The following GRIK2 variants were observed in gnomAD, a reference collection of about 807,000 sequenced individuals.
GRIK2 encodes the protein glutamate ionotropic receptor kainate type subunit 2, also known as glutamate receptor ionotropic, kainate 2.
In GRIK2, 32 loss-of-function variants were observed where a neutral mutation model predicts 100.3. The observed-to-expected ratio is 0.32, with a 90% CI of 0.24 to 0.43. The LOEUF is 0.43. GRIK2 is among the 20% of genes least tolerant of loss of function. The probability of loss-of-function intolerance (pLI) is 1.00; values close to 1 mark genes in which losing one functional copy is unlikely to be tolerated. For synonymous variants in GRIK2, 417 were observed against 389.4 expected (o/e 1.07, Z -0.83); for missense variants, 843 against 1,114.9 (o/e 0.76, Z 3.47).
chr6:101,621,616 G>A (rs1275873315), intron 2 of GRIK2, among the ~76,000 whole-genome samples: 9 of 152,000 alleles, frequency 5.9e-5, no homozygotes, highest in South Asian at 2.1e-4. Flanking sequence ...CTTAAGTCAA[G>A]ACCTCTCTAT....
At chr6:102,064,451 T>C (rs1201637838) in intron 16 of GRIK2, among the ~76,000 whole-genome samples, 4 of 150,156 alleles carry the variant, frequency 2.7e-5, no homozygotes, top group African/African-American at 4.9e-5. Flanking sequence ...CATCTTTCTT[T>C]CTCTCTTTCC....
intron 2 of GRIK2, among the ~76,000 whole-genome samples, chr6:101,420,427 C>T: frequency 6.6e-6 from 1 of 152,156 alleles, no homozygotes; most frequent in Non-Finnish European, 1.5e-5. Context: ...AATATTTGGA[C>T]ATTGTGGACC....
chr6:101,535,888 A>G (rs1039918471), intron 2 of GRIK2, among the ~76,000 whole-genome samples: 2 of 151,756 alleles, frequency 1.3e-5, no homozygotes, highest in African/African-American at 4.8e-5. Context: ...TAATGTTTAA[A>G]CAAAACATCA....
At chr6:101,948,145 A>C (rs1791386578) in intron 14 of GRIK2, among the ~76,000 whole-genome samples, 2 of 152,238 alleles carry the variant, frequency 1.3e-5, no homozygotes, top group South Asian at 4.1e-4. Context: ...AAGTTTTACA[A>C]ATACATTATT....
rs546762593 is a variant in GRIK2, at chr6:102,002,530, G to T, written c.2086-32811G>T. Among the ~76,000 whole-genome samples, 50 of 149,676 alleles carry T rather than the reference G, an allele frequency of 3.3e-4. 1 individual carries two copies. The highest frequency in any genetic ancestry group is 1.1e-3 in the African/African-American group (47 of 41,126). On this transcript the variant is annotated intron_variant, in intron 14 of 16. Coordinates refer to ENST00000369134, the MANE Select transcript of GRIK2 (RefSeq NM_021956.5). Reference sequence around the variant, plus strand: ...ATTGCATTTTAATTCTATTTAATGAGTCACTGAGAACATATTATCTGCTCT... The same window carrying T: ...ATTGCATTTTAATTCTATTTAATGATTCACTGAGAACATATTATCTGCTCT...
rs199586092 is a variant in GRIK2, at chr6:101,561,307, C to T, written c.116-60642C>T. On this transcript the variant is annotated intron_variant, in intron 2 of 16. Transcript: ENST00000369134. The stretch of plus-strand genomic sequence containing the variant: ...CCAAGAAAAATCATGAGGAAATTTA[C>T]AGAATTGGGAGCTAAAAAAGTAGAT... 1.1e-4 allele frequency among the ~76,000 whole-genome samples: 17 copies of T among 150,914 alleles called. No individual in the cohort carries two copies. The East Asian group carries it at 2.7e-3, about 24-fold the overall frequency.
chr6:101,757,778 T>A (rs1777229937), intron 7 of GRIK2, among the ~76,000 whole-genome samples: 1 of 152,224 alleles, frequency 6.6e-6, no homozygotes, highest in Non-Finnish European at 1.5e-5. Flanking sequence ...ACCCTAGTGG[T>A]CTGCAAATGG....
At chr6:101,423,320 T>C (rs1043667657) in intron 2 of GRIK2, among the ~76,000 whole-genome samples, 4 of 152,166 alleles carry the variant, frequency 2.6e-5, no homozygotes, top group African/African-American at 9.7e-5. Context: ...GAGAAACTTG[T>C]TCTTAGGTAT....
intron 2 of GRIK2, among the ~76,000 whole-genome samples, chr6:101,453,558 GAA>G (rs1400583158): frequency 6.6e-6 from 1 of 151,984 alleles, no homozygotes; most frequent in African/African-American, 2.4e-5. Context: ...TGAACTGTCA[GAA>G]ATATACTTTA....
In GRIK2 at chr6:101,909,030, T is replaced by A. The variant is rs961955090; in HGVS notation, c.1749-15571T>A. Among the ~76,000 whole-genome samples, 2 of 151,258 alleles carry A rather than the reference T, an allele frequency of 1.3e-5. 1 individual carries two copies. The highest frequency in any genetic ancestry group is 3.0e-5 in the Non-Finnish European group (2 of 67,518). ...TAAAGGATTCTCTTCAAAAAAATAA[T>A]TTTAAACAGTGTTTGAAATTATTAG... is the stretch of plus-strand genomic sequence containing the variant. On this transcript the variant is annotated intron_variant, in intron 12 of 16. Coordinates refer to ENST00000369134, the MANE Select transcript of GRIK2 (RefSeq NM_021956.5).
intron 11 of GRIK2, among the ~76,000 whole-genome samples, chr6:101,874,506 AAT>A: frequency 6.6e-6 from 1 of 152,224 alleles, no homozygotes; most frequent in Non-Finnish European, 1.5e-5. Flanking sequence ...GTAGCCTTGT[AAT>A]ATAGTTTGAA....
At chr6:101,566,966 A>G (rs1777307396) in intron 2 of GRIK2, among the ~76,000 whole-genome samples, 1 of 150,938 alleles carries the variant, frequency 6.6e-6, no homozygotes, top group Admixed American at 6.6e-5. Context: ...ACATTTATAT[A>G]TGTATATATG....
intron 14 of GRIK2, among the ~76,000 whole-genome samples, chr6:101,978,797 A>G (rs1009227705): frequency 7.2e-5 from 11 of 152,020 alleles, no homozygotes; most frequent in African/African-American, 2.7e-4. Flanking sequence ...TTTCTATTCA[A>G]TAGAAAAGCT....
intron 2 of GRIK2, among the ~76,000 whole-genome samples, chr6:101,438,739 G>C (rs116835241): frequency 6.6e-6 from 1 of 151,978 alleles, no homozygotes; most frequent in Non-Finnish European, 1.5e-5. Context: ...GTATTTCTTC[G>C]CATTAAATTG....
rs572272174 is a variant in GRIK2, at chr6:102,054,150, T to C, written c.2312-1180T>C. Reference sequence around the variant, plus strand: ...CAGCTTTTAAGTAGAGAAAAGATGATGTTAAACAACTTTTCAGTTGAGTTT... The same window carrying C: ...CAGCTTTTAAGTAGAGAAAAGATGACGTTAAACAACTTTTCAGTTGAGTTT... On this transcript the variant is annotated intron_variant, in intron 15 of 16. Coordinates refer to ENST00000369134, the MANE Select transcript of GRIK2 (RefSeq NM_021956.5). Among the ~76,000 whole-genome samples, 42 of 152,300 alleles carry C rather than the reference T, an allele frequency of 2.8e-4. No individual in the cohort carries two copies. In the Middle Eastern group the frequency reaches 0.01, roughly 37 times the overall value.
chr6:102,029,459 A>G (rs1241906777), intron 14 of GRIK2, among the ~76,000 whole-genome samples: 1 of 151,172 alleles, frequency 6.6e-6, no homozygotes, highest in Non-Finnish European at 1.5e-5. Flanking sequence ...TTACCTCATC[A>G]CTGATCCTAA....
At chr6:101,660,531 A>T (rs779290483) in intron 4 of GRIK2, among the ~76,000 whole-genome samples, 2 of 152,004 alleles carry the variant, frequency 1.3e-5, no homozygotes, top group Non-Finnish European at 2.9e-5. Flanking sequence ...AGGAGTTGTG[A>T]TCCTTTGCGG....
intron 11 of GRIK2, among the ~76,000 whole-genome samples, chr6:101,866,599 C>G (rs1325546779): frequency 6.6e-6 from 1 of 152,010 alleles, no homozygotes; most frequent in African/African-American, 2.4e-5. Flanking sequence ...ATAAGAATTT[C>G]TATTCCTCTG....
At chr6:101,769,665 T>G (rs1200193576) in intron 7 of GRIK2, among the ~76,000 whole-genome samples, 1 of 152,158 alleles carries the variant, frequency 6.6e-6, no homozygotes, top group East Asian at 1.9e-4. Flanking sequence ...ATGTATATAC[T>G]TGTTTGTTCC....
Sources: gnomAD v4.1 joint callset for allele counts (sites outside exome capture counted in the v4.1 genomes callset) on GRCh38, gnomAD v4.1.1 for gene constraint, MANE v1.5 for transcripts, NCBI Gene and HGNC (gene_info 2026-07-23, HGNC 2026-07-21) for gene names.